Variants in SH3KBP1 observed in about 807,000 individuals in gnomAD.
The protein encoded by SH3KBP1 is SH3 domain containing kinase binding protein 1.
SH3KBP1 carries 8 observed loss-of-function variants against 50.1 expected under a neutral mutation model. The observed-to-expected ratio is 0.16, with a 90% CI of 0.09 to 0.29. SH3KBP1 has a LOEUF of 0.29. SH3KBP1 is among the 10% of genes least tolerant of loss of function. The pLI, the probability that SH3KBP1 is intolerant of heterozygous loss-of-function variation, is 1.00. For missense variants in SH3KBP1, 377 were observed against 535.2 expected (o/e 0.70, Z 2.92); for synonymous variants, 227 against 218.6 (o/e 1.04, Z -0.34).
intron 6 of SH3KBP1, among the ~76,000 whole-genome samples, chrX:19,676,082 A>T (rs2062921769): frequency 9.0e-6 from 1 of 111,703 alleles, no homozygotes; most frequent in Middle Eastern, 4.6e-3. Flanking sequence ...CAAGAGACAC[A>T]ATCTTATTTT....
intron 6 of SH3KBP1, among the ~76,000 whole-genome samples, chrX:19,658,459 T>A (rs1024055922): frequency 1.3e-4 from 15 of 112,594 alleles, no homozygotes; most frequent in African/African-American, 4.5e-4. Flanking sequence ...TCCCAAAGAA[T>A]AACATTTATT....
chrX:19,547,341 T>C (rs1333813207), intron 14 of SH3KBP1, among the ~76,000 whole-genome samples: 1 of 111,686 alleles, frequency 9.0e-6, no homozygotes, highest in African/African-American at 3.3e-5. Flanking sequence ...TTCATCTCTA[T>C]GCTTTCTACC....
intron 1 of SH3KBP1, among the ~76,000 whole-genome samples, chrX:19,845,501 CA>C (rs1160039152): frequency 2.7e-5 from 3 of 110,144 alleles, no homozygotes; most frequent in Non-Finnish European, 5.7e-5. Context: ...CAGACAACAA[CA>C]ACAAAACCTA....
At chrX:19,717,818 C>T (rs1049503293) in intron 3 of SH3KBP1, among the ~76,000 whole-genome samples, 1 of 111,461 alleles carries the variant, frequency 9.0e-6, no homozygotes, top group Non-Finnish European at 1.9e-5. Flanking sequence ...TTTACTAAAC[C>T]GTAGAGCAGG....
rs144958785 is a variant in SH3KBP1, at chrX:19,672,467, C to T, written c.726+11356G>A. Among the ~76,000 whole-genome samples, 958 of 111,786 alleles carry T rather than the reference C, an allele frequency of 8.6e-3. 12 individuals are homozygous for T. The highest frequency in any genetic ancestry group is 0.03 in the African/African-American group (912 of 30,760). ...AGGTGACTAAGGTTAACATCTATAG[C>T]GATAAGTATGGAATTAATATGATGT... On this transcript the variant is annotated intron_variant, in intron 6 of 17. Transcript: ENST00000397821.
At position 19,836,974 on chromosome X, in the gene SH3KBP1, C is replaced by T. The variant is rs2068077328; in HGVS notation, c.5-692G>A. 4.5e-5 allele frequency among the ~76,000 whole-genome samples: 5 copies of T among 112,169 alleles called. No individual in the cohort carries two copies. The Admixed American group carries it at 4.7e-4, about 11-fold the overall frequency. ...GTGAAGAAGGATGTGTTTGCTTTCC[C>T]TTCTGTCATGATTGTTAAGTTTCCT... is the stretch of plus-strand genomic sequence containing the variant. On this transcript the variant is annotated intron_variant, in intron 1 of 17. Coordinates refer to ENST00000397821, the MANE Select transcript of SH3KBP1 (RefSeq NM_031892.3).
intron 6 of SH3KBP1, among the ~76,000 whole-genome samples, chrX:19,660,469 C>T (rs911828815): frequency 1.8e-5 from 2 of 111,323 alleles, no homozygotes; most frequent in African/African-American, 6.5e-5. Flanking sequence ...GGGAGGAAAG[C>T]GATAACTGAA....
At chrX:19,634,467 G>A (rs1244443824) in intron 7 of SH3KBP1, among the ~76,000 whole-genome samples, 4 of 111,724 alleles carry the variant, frequency 3.6e-5, no homozygotes, top group Non-Finnish European at 7.5e-5. Context: ...AGAATTATCT[G>A]GAAAGCACCA....
intron 3 of SH3KBP1, among the ~76,000 whole-genome samples, chrX:19,720,791 G>GT (rs1024381706): frequency 9.0e-6 from 1 of 111,515 alleles, no homozygotes; most frequent in African/African-American, 3.3e-5. Context: ...TTGAAGAACT[G>GT]TAACAAAGGT....
At chrX:19,625,092 C>G (rs1224228541) in intron 8 of SH3KBP1, among the ~76,000 whole-genome samples, 2 of 112,114 alleles carry the variant, frequency 1.8e-5, no homozygotes, top group Non-Finnish European at 3.8e-5. Flanking sequence ...CGGCTTTCTT[C>G]CTGCCAAGCT....
At chrX:19,697,558 C>G (rs563048217) in intron 4 of SH3KBP1, among the ~76,000 whole-genome samples, 3 of 111,975 alleles carry the variant, frequency 2.7e-5, no homozygotes, top group African/African-American at 9.7e-5. Context: ...GTCCTTAGTT[C>G]TCCTCAAGAA....
chrX:19,863,976 C>T (rs1296231165), intron 1 of SH3KBP1, among the ~76,000 whole-genome samples: 1 of 111,042 alleles, frequency 9.0e-6, no homozygotes, highest in African/African-American at 3.3e-5. Context: ...TGTCCTCATC[C>T]CCCTGCTTCC....
At chrX:19,748,434 C>A (rs1174981489) in intron 2 of SH3KBP1, among the ~76,000 whole-genome samples, 1 of 111,100 alleles carries the variant, frequency 9.0e-6, no homozygotes, top group Non-Finnish European at 1.9e-5. Flanking sequence ...CAGAGCAGCA[C>A]GTGGGGAGCA....
intron 2 of SH3KBP1, among the ~76,000 whole-genome samples, chrX:19,826,457 G>A (rs1204357574): frequency 1.8e-5 from 2 of 110,141 alleles, no homozygotes; most frequent in Non-Finnish European, 3.8e-5. Context: ...AAAGCGAAAG[G>A]ATCACTTGAG....
rs1315159634 is a variant in SH3KBP1 at position 19,645,536 on chromosome X, T to A, written c.727-61A>T. 5.6e-6 allele frequency: 5 copies of A among 889,067 alleles called. No individual in the cohort carries two copies. The Admixed American group carries it at 1.2e-4, about 21-fold the overall frequency. 73.3% of individuals were successfully genotyped at this position (889,067 alleles called of 1,213,427 possible). A position where few individuals can be genotyped will look rare whatever the true frequency, so the allele number is the denominator to read the frequency against. ...TGATTGTCTCCATTAAGCAAAGGAATAAGATCCAGATCATAATGACAAAAT... is the reference window on the plus strand; with the variant it reads ...TGATTGTCTCCATTAAGCAAAGGAAAAAGATCCAGATCATAATGACAAAAT... On this transcript the variant is annotated intron_variant, in intron 6 of 17. Coordinates refer to ENST00000397821, the MANE Select transcript of SH3KBP1 (RefSeq NM_031892.3).
At chrX:19,831,412 CAA>C (rs1168426297) in intron 2 of SH3KBP1, among the ~76,000 whole-genome samples, 10 of 47,599 alleles carry the variant, frequency 2.1e-4, no homozygotes, top group Non-Finnish European at 2.4e-4. Context: ...CAACCCATCT[CAA>C]AAAAAAAAAA....
chrX:19,685,790 T>C (rs745332048), intron 5 of SH3KBP1, among the ~76,000 whole-genome samples: 12 of 111,549 alleles, frequency 1.1e-4, no homozygotes, highest in Non-Finnish European at 1.9e-4. Context: ...GAAAGAGCCA[T>C]TCAAGGGTGA....
chrX:19,571,624 C>A (rs1248669061), intron 12 of SH3KBP1, among the ~76,000 whole-genome samples: 2 of 111,831 alleles, frequency 1.8e-5, no homozygotes, highest in Non-Finnish European at 3.8e-5. Context: ...CCTGGGGACC[C>A]TTAAACATCA....
At chrX:19,633,132 A>G (rs2061616675) in intron 7 of SH3KBP1, among the ~76,000 whole-genome samples, 1 of 112,173 alleles carries the variant, frequency 8.9e-6, no homozygotes, top group African/African-American at 3.2e-5. Flanking sequence ...CATAATACAG[A>G]TACACTATGG....
Sources: gnomAD v4.1 joint callset for allele counts (sites outside exome capture counted in the v4.1 genomes callset) on GRCh38, gnomAD v4.1.1 for gene constraint, MANE v1.5 for transcripts, NCBI Gene and HGNC (gene_info 2026-07-23, HGNC 2026-07-21) for gene names.